The following PCDHGA4 variants were observed in gnomAD, a reference collection of about 807,000 sequenced individuals.
PCDHGA4 encodes the protein protocadherin gamma-A4.
A neutral mutation model predicts 54.6 loss-of-function variants in PCDHGA4; 38 were observed. That is an observed-to-expected ratio of 0.70 (90% CI 0.54 to 0.91). PCDHGA4 has a LOEUF of 0.91. PCDHGA4 is among the 40% of genes least tolerant of loss of function. The pLI is 0.00. For missense variants in PCDHGA4, 1,298 were observed against 1,220.9 expected, an observed-to-expected ratio of 1.06 and a Z score of -0.94; for synonymous variants, 511 against 512.9, an observed-to-expected ratio of 1.00 and a Z score of 0.05.
chr5:141,384,739 C>A (rs1484877981), intron 1 of PCDHGA4: 1 of 1,613,938 alleles, frequency 6.2e-7, no homozygotes, highest in African/African-American at 1.3e-5. Context: ...GGCCAGCGAG[C>A]CAGGACTCTT....
intron 1 of PCDHGA4, chr5:141,375,120 A>G (rs2150053387): frequency 6.2e-7 from 1 of 1,613,952 alleles, no homozygotes; most frequent in South Asian, 1.1e-5. Flanking sequence ...AATGTACCAG[A>G]AGTGGTTGTT....
At chr5:141,388,811 A>C (rs375009380) in intron 1 of PCDHGA4, 21 of 1,613,866 alleles carry the variant, frequency 1.3e-5, no homozygotes, top group Non-Finnish European at 1.6e-5. Context: ...ATTTTGAAGA[A>C]GTCAAAGAAT....
intron 1 of PCDHGA4, chr5:141,408,288 T>C (rs755091342): frequency 6.2e-7 from 1 of 1,613,234 alleles, no homozygotes; most frequent in Non-Finnish European, 8.5e-7. Context: ...TACCCCACCC[T>C]GAGTGAGCCG....
intron 1 of PCDHGA4, among the ~76,000 whole-genome samples, chr5:141,465,280 C>T (rs922029628): frequency 7.2e-5 from 11 of 151,990 alleles, no homozygotes; most frequent in Non-Finnish European, 1.5e-4. Flanking sequence ...TTAGTTCACC[C>T]CTAAAGAACT....
In PCDHGA4 at chr5:141,355,111, C is replaced by T; in HGVS notation, c.4C>T (p.His2Tyr). 1 of 1,508,846 alleles carries T rather than the reference C, an allele frequency of 6.6e-7. No individual in the cohort carries two copies. Among genetic ancestry groups the T allele is most frequent in the Non-Finnish European group, 8.8e-7 (1 of 1,130,918 alleles). 93.5% of individuals were successfully genotyped at this position (1,508,846 alleles called of 1,614,324 possible). Residue 2 changes from histidine (H) to tyrosine (Y), a missense_variant, in exon 1 of 4, where the codon CAC becomes TAC. His to Tyr is a moderately conservative substitution (Grantham distance 83). Coordinates refer to ENST00000571252, the MANE Select transcript of PCDHGA4 (RefSeq NM_018917.4). ...GCCCTGAGAGCTCTGGCTGTGAATG[C>T]ACTTTATTTTGGACCCAGAAGATCC... M[H>Y]FILDPEDPGA... is the part of the protein sequence containing the mutation.
chr5:141,428,320 T>C (rs2097132935), intron 1 of PCDHGA4: 2 of 650,176 alleles, frequency 3.1e-6, no homozygotes, highest in Admixed American at 2.2e-5. Context: ...GGCCTTGGCC[T>C]TGATTTCTAT....
intron 1 of PCDHGA4, among the ~76,000 whole-genome samples, chr5:141,466,436 G>A (rs181613158): frequency 1.3e-5 from 2 of 152,270 alleles, no homozygotes; most frequent in East Asian, 1.9e-4. Context: ...AAGCTGAACC[G>A]AGATGTCTAT....
At chr5:141,506,444 CAAAAAAAA>C (rs1219684339) in intron 3 of PCDHGA4, among the ~76,000 whole-genome samples, 24 of 95,024 alleles carry the variant, frequency 2.5e-4, no homozygotes, top group African/African-American at 9.5e-4. Flanking sequence ...CGCTCTGTCT[CAAAAAAAA>C]AAAAAAAAAA....
chr5:141,492,948 CA>C (rs2099745260), intron 1 of PCDHGA4, among the ~76,000 whole-genome samples: 1 of 152,188 alleles, frequency 6.6e-6, no homozygotes, highest in Non-Finnish European at 1.5e-5. Flanking sequence ...TGGAGGTGAC[CA>C]AACTATCTGA....
chr5:141,362,075 G>C (rs533999436), intron 1 of PCDHGA4: 2 of 1,612,964 alleles, frequency 1.2e-6, no homozygotes, highest in African/African-American at 2.7e-5. Flanking sequence ...GTCGCTGTGC[G>C]TGATGGAGGA....
intron 1 of PCDHGA4, chr5:141,410,268 A>C: frequency 6.2e-7 from 1 of 1,613,994 alleles, no homozygotes. Context: ...GCTGAACTGC[A>C]GTTTTACCTG....
In PCDHGA4 at chr5:141,491,365, T is replaced by A. The variant is rs201011046; in HGVS notation, c.2515-3442T>A. ...CGTCAGTCTCTTATCCCTAGTCACC[T>A]TCACCTTTCTGTCAGCGAAGTGCCT... On this transcript the variant is annotated intron_variant, in intron 1 of 3. Transcript: ENST00000571252. This position sits in a 1 kb window ranked among gnomAD's most constrained non-coding sequence, Gnocchi z 6.9. 1.7e-5 allele frequency: 27 copies of A among 1,614,016 alleles called. No individual in the cohort carries two copies. The highest frequency in any genetic ancestry group is 2.0e-5 in the Non-Finnish European group (24 of 1,179,982).
At chr5:141,398,606 C>T in intron 1 of PCDHGA4, 1 of 1,614,000 alleles carries the variant, frequency 6.2e-7, no homozygotes, top group Non-Finnish European at 8.5e-7. Context: ...GCAGAAGATG[C>T]AGATATTGGC....
intron 1 of PCDHGA4, chr5:141,400,715 T>C: frequency 1.5e-6 from 1 of 682,576 alleles, no homozygotes; most frequent in Non-Finnish European, 2.4e-6. Context: ...AGTAGCCTTA[T>C]AGATTTACAA....
rs776008188 is a variant in PCDHGA4, at chr5:141,376,058, A to T, written c.2514+18437A>T. The T allele has an allele frequency of 4.3e-6, 7 of 1,613,282 alleles. No homozygotes were observed. In the East Asian group the frequency reaches 1.3e-4, roughly 31 times the overall value. ...CCAGCCCCCTCTCTCCGCCACTGTC[A>T]CGCTCACCGTGGCCGTGGCCGACAG... On this transcript the variant is annotated intron_variant, in intron 1 of 3. Transcript: ENST00000571252.
intron 1 of PCDHGA4, chr5:141,428,734 A>G (rs922346225): frequency 1.9e-5 from 3 of 158,252 alleles, no homozygotes; most frequent in Non-Finnish European, 2.8e-5. Context: ...TAAACATATT[A>G]TATCTACTAT....
At position 141,489,888 on chromosome 5, in the gene PCDHGA4, T is replaced by TG. The variant is rs759744295; in HGVS notation, c.2515-4913dup. On this transcript the variant is annotated intron_variant, in intron 1 of 3. Coordinates refer to ENST00000571252, the MANE Select transcript of PCDHGA4 (RefSeq NM_018917.4). The surrounding 1 kb of genome is among the most constrained non-coding windows in gnomAD (Gnocchi z 4.5). ...ATCAGCTGGTGCTTACTGCTGTGGATGGGGGGACCCCAGCCCGCTCAGGGA... is the reference window on the plus strand; with the variant it reads ...ATCAGCTGGTGCTTACTGCTGTGGATGGGGGGGACCCCAGCCCGCTCAGGGA... 6.4e-5 allele frequency: 103 copies of TG among 1,614,088 alleles called. No individual in the cohort carries two copies. Among genetic ancestry groups the TG allele is most frequent in the Non-Finnish European group, 8.6e-5 (101 of 1,180,048 alleles).
intron 1 of PCDHGA4, chr5:141,422,052 C>T: frequency 6.2e-7 from 1 of 1,611,298 alleles, no homozygotes; most frequent in Non-Finnish European, 8.5e-7. Flanking sequence ...AGGGAATCAA[C>T]GGGGAAGTAA....
chr5:141,370,843 C>A (rs765653454), intron 1 of PCDHGA4: 1 of 1,614,052 alleles, frequency 6.2e-7, no homozygotes, highest in South Asian at 1.1e-5. Flanking sequence ...CTCACTGGAG[C>A]CACATTTGCC....
Sources: allele counts gnomAD v4.1 joint callset (sites outside exome capture counted in the v4.1 genomes callset), GRCh38; gene constraint gnomAD v4.1.1; non-coding constraint Gnocchi (gnomAD v3.1); transcripts MANE v1.5; gene names NCBI Gene and HGNC (gene_info 2026-07-23, HGNC 2026-07-21).